The following CACNB4 variants were observed in gnomAD, a reference collection of about 807,000 sequenced individuals.
The protein encoded by CACNB4 is calcium voltage-gated channel auxiliary subunit beta 4.
In CACNB4, 32 loss-of-function variants were observed where a neutral mutation model predicts 71.2. That is an observed-to-expected ratio of 0.45 (90% confidence interval 0.34 to 0.60). The LOEUF is 0.60. Ranked by LOEUF, CACNB4 falls within the 20% of genes least tolerant of loss-of-function variation. The probability of loss-of-function intolerance (pLI) is 0.01; values close to 1 mark genes in which losing one functional copy is unlikely to be tolerated. For missense variants in CACNB4, 464 were observed against 647.9 expected, an observed-to-expected ratio of 0.72 and a Z score of 3.08; for synonymous variants, 231 against 236.9, an observed-to-expected ratio of 0.97 and a Z score of 0.23.
At chr2:152,039,419 A>AAC (rs1684763861) in intron 2 of CACNB4, among the ~76,000 whole-genome samples, 1 of 151,172 alleles carries the variant, frequency 6.6e-6, no homozygotes, top group African/African-American at 2.5e-5. Context: ...CTGTCTCAAA[A>AAC]AAAAAAAAAA....
rs1688366805 is a variant in CACNB4 at position 152,098,025 on chromosome 2, T to C, written c.147+305A>G. ...AAGACATTTCTCCACGCACCAAAGATACAACCAGACATATTTCCAGCTCTT... is the reference window on the plus strand; with the variant it reads ...AAGACATTTCTCCACGCACCAAAGACACAACCAGACATATTTCCAGCTCTT... On this transcript the variant is annotated intron_variant, in intron 2 of 13. Coordinates refer to ENST00000539935, the MANE Select transcript of CACNB4 (RefSeq NM_000726.5). The surrounding 1 kb of genome is among the most constrained non-coding windows in gnomAD (Gnocchi z 5.3). Among the ~76,000 whole-genome samples the C allele has an allele frequency of 6.6e-6, 1 of 152,220 alleles. No homozygotes were observed. Among genetic ancestry groups the C allele is most frequent in the South Asian group, 2.1e-4 (1 of 4,828 alleles).
intron 2 of CACNB4, among the ~76,000 whole-genome samples, chr2:152,043,923 G>A (rs181361584): frequency 1.8e-4 from 27 of 152,186 alleles, no homozygotes; most frequent in African/African-American, 6.3e-4. Context: ...AAAACCAAAA[G>A]AGCCGGGCTT....
At chr2:151,916,399 C>T (rs1263275051) in intron 2 of CACNB4, among the ~76,000 whole-genome samples, 1 of 151,940 alleles carries the variant, frequency 6.6e-6, no homozygotes, top group Non-Finnish European at 1.5e-5. Context: ...AACCAGTTTA[C>T]TCTGTATTTA....
intron 2 of CACNB4, among the ~76,000 whole-genome samples, chr2:152,038,775 C>G (rs529558193): frequency 6.6e-6 from 1 of 152,318 alleles, no homozygotes; most frequent in African/African-American, 2.4e-5. Context: ...GAGGCCCTGA[C>G]TGGTGCTAGG....
At chr2:151,940,241 G>A (rs2099863910) in intron 2 of CACNB4, among the ~76,000 whole-genome samples, 1 of 152,154 alleles carries the variant, frequency 6.6e-6, no homozygotes, top group African/African-American at 2.4e-5. Flanking sequence ...GAGACATGAG[G>A]TACAAGGTGC....
intron 8 of CACNB4, chr2:151,869,527 G>A (rs1307843163): frequency 3.6e-6 from 1 of 274,026 alleles, no homozygotes; most frequent in African/African-American, 2.2e-5. Flanking sequence ...ACTGCTGCCA[G>A]GAGACAACAG....
At chr2:151,999,851 T>C (rs1195726594) in intron 2 of CACNB4, among the ~76,000 whole-genome samples, 2 of 152,202 alleles carry the variant, frequency 1.3e-5, no homozygotes, top group Non-Finnish European at 2.9e-5. Flanking sequence ...AGAGTCTGGC[T>C]AGGATTCTAT....
At chr2:151,980,501 A>G (rs1231474860) in intron 2 of CACNB4, among the ~76,000 whole-genome samples, 2 of 152,180 alleles carry the variant, frequency 1.3e-5, no homozygotes, top group African/African-American at 2.4e-5. Context: ...CTGTCTTTTA[A>G]ATGTGAGTTC....
chr2:151,840,917 T>C (rs1232548678), intron 13 of CACNB4, among the ~76,000 whole-genome samples: 2 of 152,194 alleles, frequency 1.3e-5, no homozygotes, highest in Non-Finnish European at 2.9e-5. Flanking sequence ...TAATAATTGA[T>C]GTAGAAAGGC....
intron 4 of CACNB4, among the ~76,000 whole-genome samples, chr2:151,877,548 T>C (rs1372873014): frequency 6.6e-6 from 1 of 152,226 alleles, no homozygotes; most frequent in East Asian, 1.9e-4. Context: ...ATACATTTAA[T>C]AGTCCATAAT....
chr2:151,982,309 T>G (rs760029525), intron 2 of CACNB4, among the ~76,000 whole-genome samples: 1 of 152,108 alleles, frequency 6.6e-6, no homozygotes, highest in Non-Finnish European at 1.5e-5. Flanking sequence ...GAAAGTCATG[T>G]GTCCAACTTA....
At chr2:151,918,091 C>A (rs1488698730) in intron 2 of CACNB4, among the ~76,000 whole-genome samples, 1 of 152,150 alleles carries the variant, frequency 6.6e-6, no homozygotes, top group Non-Finnish European at 1.5e-5. Flanking sequence ...CATTAAGATA[C>A]AACAGCCACC....
intron 2 of CACNB4, among the ~76,000 whole-genome samples, chr2:151,926,417 C>T (rs1378064918): frequency 6.6e-6 from 1 of 152,102 alleles, no homozygotes; most frequent in Non-Finnish European, 1.5e-5. Context: ...GGGCAAAAGC[C>T]TGATCAGAGC....
At chr2:151,950,718 A>C (rs922225184) in intron 2 of CACNB4, among the ~76,000 whole-genome samples, 1 of 152,262 alleles carries the variant, frequency 6.6e-6, no homozygotes, top group African/African-American at 2.4e-5. Context: ...AAAAGGTCAC[A>C]TATTGTATGA....
Position 151,934,421 on chromosome 2 carries a change from A to G in CACNB4, c.148-51051T>C, listed in dbSNP as rs74722796. On this transcript the variant is annotated intron_variant, in intron 2 of 13. Coordinates refer to ENST00000539935, the MANE Select transcript of CACNB4 (RefSeq NM_000726.5). ...TTTTTCAGCCAATCACCTACCAGAT[A>G]CTGTTCTAGGTGCTTAACAGCATTG... Among the ~76,000 whole-genome samples the G allele has an allele frequency of 8.4e-3, 1,280 of 152,310 alleles. 14 individuals are homozygous for G. Among genetic ancestry groups the G allele is most frequent in the African/African-American group, 0.029 (1,200 of 41,558 alleles).
intron 5 of CACNB4, chr2:151,874,050 G>A: frequency 6.6e-6 from 1 of 152,524 alleles, no homozygotes; most frequent in Non-Finnish European, 1.5e-5. Context: ...CTCCCGCTTG[G>A]CCTTCTGCTA....
At chr2:151,929,165 G>C (rs990262955) in intron 2 of CACNB4, among the ~76,000 whole-genome samples, 4 of 151,826 alleles carry the variant, frequency 2.6e-5, no homozygotes, top group East Asian at 3.9e-4. Flanking sequence ...GGGAAGCAAG[G>C]AGAGATGGAA....
At chr2:151,878,204 G>GTA (rs3068791) in intron 4 of CACNB4, among the ~76,000 whole-genome samples, 6,719 of 149,880 alleles carry the variant, frequency 0.045, 740 homozygotes, top group East Asian at 0.44. Context: ...GTCTGTGTGT[G>GTA]TATATATATA....
intron 8 of CACNB4, 148 bp downstream of exon 8, chr2:151,870,383 G>A (rs775194697): frequency 2.8e-6 from 2 of 718,994 alleles, no homozygotes; most frequent in Non-Finnish European, 5.1e-6. Flanking sequence ...GGCCTCATGA[G>A]CCCCACACGG....
Sources: gnomAD v4.1 joint callset for allele counts (sites outside exome capture counted in the v4.1 genomes callset) on GRCh38, gnomAD v4.1.1 for gene constraint, Gnocchi (gnomAD v3.1) non-coding constraint, MANE v1.5 for transcripts, NCBI Gene and HGNC (gene_info 2026-07-23, HGNC 2026-07-21) for gene names.